Variants in PLD5 observed in about 807,000 individuals in gnomAD.
PLD5 encodes inactive phospholipase D5.
In PLD5, 36 loss-of-function variants were observed where a neutral mutation model predicts 61.1. The observed-to-expected ratio is 0.59, with a 90% CI of 0.45 to 0.78. The LOEUF is 0.78. PLD5 is among the 30% of genes least tolerant of loss of function. The pLI, the probability that PLD5 is intolerant of heterozygous loss-of-function variation, is 0.00. For missense variants in PLD5, 515 were observed against 644.4 expected (o/e 0.80, Z 2.17); for synonymous variants, 243 against 242.8 (o/e 1.00, Z -0.01).
chr1:242,255,835 C>T (rs1672981834), intron 4 of PLD5, among the ~76,000 whole-genome samples: 1 of 152,106 alleles, frequency 6.6e-6, no homozygotes, highest in South Asian at 2.1e-4. Context: ...CACCAGAACT[C>T]AACGATTTAA....
At chr1:242,416,388 A>G (rs989185700) in intron 1 of PLD5, among the ~76,000 whole-genome samples, 1 of 152,168 alleles carries the variant, frequency 6.6e-6, no homozygotes. Flanking sequence ...GATTACCACT[A>G]GTGTAGGAAG....
At chr1:242,471,497 A>G (rs1205334313) in intron 1 of PLD5, among the ~76,000 whole-genome samples, 1 of 152,042 alleles carries the variant, frequency 6.6e-6, no homozygotes, top group Non-Finnish European at 1.5e-5. Flanking sequence ...TATATCATCC[A>G]CCTTGCTAGA....
At chr1:242,435,299 G>C (rs983299340) in intron 1 of PLD5, among the ~76,000 whole-genome samples, 4 of 149,298 alleles carry the variant, frequency 2.7e-5, no homozygotes, top group African/African-American at 5.2e-5. Flanking sequence ...TGCGCTCCCA[G>C]TTGAGGTCAA....
intron 5 of PLD5, among the ~76,000 whole-genome samples, chr1:242,194,598 C>G (rs868731529): frequency 5.1e-5 from 4 of 77,990 alleles, no homozygotes; most frequent in Admixed American, 1.9e-4. Flanking sequence ...ATCTATCTAT[C>G]TATCTATGTA....
chr1:242,232,071 T>G (rs929580850), intron 4 of PLD5, among the ~76,000 whole-genome samples: 2 of 151,988 alleles, frequency 1.3e-5, no homozygotes, highest in Non-Finnish European at 2.9e-5. Flanking sequence ...GAGAAGAAAT[T>G]ATAAATAATA....
intron 1 of PLD5, among the ~76,000 whole-genome samples, chr1:242,482,190 A>G (rs1253996079): frequency 6.6e-6 from 1 of 152,248 alleles, no homozygotes; most frequent in Non-Finnish European, 1.5e-5. Flanking sequence ...CACCAGCAAC[A>G]GAACAAAGCT....
At chr1:242,332,631 A>G (rs182508482) in intron 2 of PLD5, among the ~76,000 whole-genome samples, 2 of 152,316 alleles carry the variant, frequency 1.3e-5, no homozygotes, top group East Asian at 3.9e-4. Flanking sequence ...TTCTCTAATG[A>G]CCAGTGCAAT....
At position 242,086,262 on chromosome 1, in the gene PLD5, C is replaced by A. The variant is rs2148632757; in HGVS notation, c.*3592G>T. ...CACAGGTGCAAAGTGTATCCGCAGA[C>A]CTTTTGTTTCTTTGTCTGCTTTGAC... On this transcript the variant is annotated 3_prime_UTR_variant, in exon 10 of 10. Transcript: ENST00000536534. 6.6e-6 allele frequency: 1 copy of A among 152,260 alleles called. No individual in the cohort carries two copies. The highest frequency in any genetic ancestry group is 1.5e-5 in the Non-Finnish European group (1 of 68,042). The allele number at this position is 152,260 out of a possible 1,614,324, so 9.4% of individuals were successfully genotyped here. A position where few individuals can be genotyped will look rare whatever the true frequency, so the allele number is the denominator to read the frequency against.
At position 242,265,362 on chromosome 1, in the gene PLD5, C is replaced by T. The variant is rs1293298334; in HGVS notation, c.582G>A (p.Lys194=). Residue 194 remains lysine (K), a synonymous_variant, in exon 4 of 10, where the codon AAG becomes AAA. Coordinates refer to ENST00000536534, the MANE Select transcript of PLD5 (RefSeq NM_001372062.1). The part of the protein sequence containing the change: ...KLVSDVTADS[K]VLEALKLKGA... ...CCTTTAATTTCAAGGCTTCTAATAC[C>T]TTTGAATCAGCTGTTACATCACTCA... 6.2e-7 allele frequency: 1 copy of T among 1,611,954 alleles called. No homozygotes were observed. Among genetic ancestry groups the T allele is most frequent in the Non-Finnish European group, 8.5e-7 (1 of 1,179,498 alleles).
chr1:242,364,505 C>T (rs1222347804), intron 1 of PLD5, among the ~76,000 whole-genome samples: 1 of 151,980 alleles, frequency 6.6e-6, no homozygotes, highest in Non-Finnish European at 1.5e-5. Flanking sequence ...TCACTTGAGG[C>T]CAGGGGTTCG....
intron 1 of PLD5, among the ~76,000 whole-genome samples, chr1:242,419,572 A>ATTTTTTTTTTTTTTTTT: frequency 1.0e-5 from 1 of 97,090 alleles, no homozygotes; most frequent in African/African-American, 4.4e-5. Flanking sequence ...AATTTTTTGC[A>ATTTTTTTTTTTTTTTTT]TTTTTTTTTT....
At position 242,117,119 on chromosome 1, in the gene PLD5, T is replaced by G. The variant is rs993173306; in HGVS notation, c.934-3093A>C. ...TACATCACTCCCAGGATGAACTGAC[T>G]CCTGGTTTCTCAGAATCCAGCTTGA... On this transcript the variant is annotated intron_variant, in intron 6 of 9. Transcript: ENST00000536534. 1.1e-4 allele frequency among the ~76,000 whole-genome samples: 16 copies of G among 152,252 alleles called. No homozygotes were observed. In the East Asian group the frequency reaches 1.4e-3, roughly 13 times the overall value.
At chr1:242,415,508 A>C (rs1169156809) in intron 1 of PLD5, among the ~76,000 whole-genome samples, 1 of 141,424 alleles carries the variant, frequency 7.1e-6, no homozygotes, top group Non-Finnish European at 1.5e-5. Context: ...ATAAGCCATA[A>C]AGATTTTTTT....
intron 1 of PLD5, among the ~76,000 whole-genome samples, chr1:242,455,903 C>T (rs1024088005): frequency 9.2e-5 from 14 of 152,304 alleles, no homozygotes; most frequent in African/African-American, 3.1e-4. Context: ...AGTTGTGGTG[C>T]GGGATAGAGC....
intron 1 of PLD5, among the ~76,000 whole-genome samples, chr1:242,412,406 C>A (rs758526704): frequency 1.3e-5 from 2 of 152,170 alleles, no homozygotes; most frequent in Non-Finnish European, 2.9e-5. Flanking sequence ...CAATCATATT[C>A]AGATTTTCTT....
intron 1 of PLD5, among the ~76,000 whole-genome samples, chr1:242,358,820 A>G (rs1811424): frequency 0.96 from 145,674 of 152,220 alleles, 70,025 homozygotes; most frequent in Non-Finnish European, 1. Flanking sequence ...TGTCTTTCTC[A>G]CTATGTAGGG....
At chr1:242,172,349 A>G (rs908398408) in intron 5 of PLD5, among the ~76,000 whole-genome samples, 47 of 152,374 alleles carry the variant, frequency 3.1e-4, no homozygotes, top group African/African-American at 1.1e-3. Context: ...GACACAATGT[A>G]CCAGAATCTC....
At chr1:242,104,297 C>CTTTTTTTTTTT (rs368132707) in intron 8 of PLD5, among the ~76,000 whole-genome samples, 2 of 129,560 alleles carry the variant, frequency 1.5e-5, no homozygotes, top group Non-Finnish European at 1.6e-5. Context: ...CTAGTTTTTG[C>CTTTTTTTTTTT]TTTTTTTTTT....
intron 5 of PLD5, among the ~76,000 whole-genome samples, chr1:242,135,376 C>T (rs1404729553): frequency 6.6e-6 from 1 of 152,198 alleles, no homozygotes; most frequent in Non-Finnish European, 1.5e-5. Context: ...CCTTCTGCCA[C>T]ACCTACACTC....
Sources: gnomAD v4.1 joint callset for allele counts (sites outside exome capture counted in the v4.1 genomes callset) on GRCh38, gnomAD v4.1.1 for gene constraint, MANE v1.5 for transcripts, NCBI Gene and HGNC (gene_info 2026-07-23, HGNC 2026-07-21) for gene names.